The following CADM2 variants were observed in gnomAD, a reference collection of about 807,000 sequenced individuals.
CADM2 encodes the protein cell adhesion molecule 2.
In CADM2, 12 loss-of-function variants were observed where a neutral mutation model predicts 49.8. The observed-to-expected ratio is 0.24, with a 90% CI of 0.15 to 0.39. The LOEUF is 0.39. CADM2 is among the 10% of genes least tolerant of loss of function. The probability of loss-of-function intolerance (pLI) is 1.00; values close to 1 mark genes in which losing one functional copy is unlikely to be tolerated. For missense variants in CADM2, 378 were observed against 492.3 expected (o/e 0.77, Z 2.20); for synonymous variants, 214 against 175.4 (o/e 1.22, Z -1.74).
chr3:85,704,532 C>T (rs2066877766), intron 1 of CADM2, among the ~76,000 whole-genome samples: 1 of 152,056 alleles, frequency 6.6e-6, no homozygotes, highest in South Asian at 2.1e-4. Context: ...ACAGAGAAGA[C>T]ATAGAGAAAG....
In CADM2 at chr3:85,508,378, A is replaced by G. The variant is rs144653452; in HGVS notation, c.62-218144A>G. On this transcript the variant is annotated intron_variant, in intron 1 of 9. Transcript: ENST00000383699. ...TTATACTATGATCTAAATAATGTGT[A>G]TTCTGTGAAGAGACAGACAGTTTAG... Among the ~76,000 whole-genome samples the G allele has an allele frequency of 2.6e-4, 40 of 152,316 alleles. 1 individual carries two copies. In the East Asian group the frequency reaches 7.3e-3, roughly 28 times the overall value.
intron 8 of CADM2, among the ~76,000 whole-genome samples, chr3:86,023,655 G>T (rs1733497853): frequency 1.3e-5 from 2 of 152,088 alleles, no homozygotes; most frequent in South Asian, 4.1e-4. Context: ...GCCACACCCA[G>T]CCTAGCTCTT....
intron 1 of CADM2, among the ~76,000 whole-genome samples, chr3:85,125,126 TC>T (rs1321737551): frequency 1.3e-5 from 2 of 152,110 alleles, no homozygotes; most frequent in African/African-American, 4.8e-5. Context: ...ATGTCCAAAT[TC>T]CCTAGACACA....
chr3:86,054,789 T>C (rs763736967), intron 8 of CADM2, among the ~76,000 whole-genome samples: 9 of 152,150 alleles, frequency 5.9e-5, no homozygotes, highest in Non-Finnish European at 1.0e-4. Flanking sequence ...TACAATATAC[T>C]TAACCTCCAT....
At chr3:86,039,138 G>T (rs531103152) in intron 8 of CADM2, among the ~76,000 whole-genome samples, 3 of 152,120 alleles carry the variant, frequency 2.0e-5, no homozygotes, top group African/African-American at 7.2e-5. Flanking sequence ...CTCCCAGCAT[G>T]AGCGACGCAG....
intron 1 of CADM2, among the ~76,000 whole-genome samples, chr3:85,516,863 A>C (rs986702323): frequency 6.6e-6 from 1 of 152,098 alleles, no homozygotes; most frequent in South Asian, 2.1e-4. Context: ...GCAAAGGTAC[A>C]TTAATAAATT....
At chr3:85,136,667 A>G (rs532570045) in intron 1 of CADM2, among the ~76,000 whole-genome samples, 1 of 151,984 alleles carries the variant, frequency 6.6e-6, no homozygotes, top group Non-Finnish European at 1.5e-5. Context: ...GCAAGTTAAA[A>G]CATTTCTTAA....
At chr3:85,488,520 T>TTTTTG (rs940406565) in intron 1 of CADM2, among the ~76,000 whole-genome samples, 6 of 151,966 alleles carry the variant, frequency 3.9e-5, no homozygotes, top group East Asian at 1.9e-4. Context: ...TATTTATTTA[T>TTTTTG]TTTTGTTTTG....
At chr3:85,845,591 A>C (rs1315860892) in intron 3 of CADM2, among the ~76,000 whole-genome samples, 1 of 152,102 alleles carries the variant, frequency 6.6e-6, no homozygotes, top group Admixed American at 6.5e-5. Flanking sequence ...TTTAGGTCTC[A>C]TTGTCATAAA....
intron 1 of CADM2, among the ~76,000 whole-genome samples, chr3:85,122,052 T>G (rs2038883524): frequency 6.6e-6 from 1 of 152,086 alleles, no homozygotes; most frequent in South Asian, 2.1e-4. Context: ...GCTACATTAC[T>G]CCATCAATAT....
At chr3:85,117,676 G>A (rs1007400739) in intron 1 of CADM2, among the ~76,000 whole-genome samples, 2 of 152,110 alleles carry the variant, frequency 1.3e-5, no homozygotes, top group African/African-American at 2.4e-5. Flanking sequence ...GGGTGTTATA[G>A]GGATTAGGGT....
chr3:85,069,162 C>T (rs868326337), intron 1 of CADM2, among the ~76,000 whole-genome samples: 8 of 151,298 alleles, frequency 5.3e-5, no homozygotes, highest in Non-Finnish European at 1.5e-5. Flanking sequence ...GGATGTTTCC[C>T]ATGGGGAAGA....
chr3:85,399,407 G>A (rs948683797), intron 1 of CADM2, among the ~76,000 whole-genome samples: 13 of 152,174 alleles, frequency 8.5e-5, no homozygotes, highest in African/African-American at 3.1e-4. Context: ...AAGTCAGGTA[G>A]TGTGATGCCT....
chr3:86,052,084 A>G (rs945445183), intron 8 of CADM2, among the ~76,000 whole-genome samples: 1 of 152,216 alleles, frequency 6.6e-6, no homozygotes, highest in Non-Finnish European at 1.5e-5. Flanking sequence ...AAGGTAGGAG[A>G]AAAGAATTAA....
intron 1 of CADM2, among the ~76,000 whole-genome samples, chr3:85,013,636 AT>A (rs1450071432): frequency 6.6e-6 from 1 of 151,438 alleles, no homozygotes; most frequent in Non-Finnish European, 1.5e-5. Context: ...TACTAATTTC[AT>A]TATAAATATG....
At chr3:85,811,511 A>T (rs2072875743) in intron 3 of CADM2, among the ~76,000 whole-genome samples, 1 of 152,214 alleles carries the variant, frequency 6.6e-6, no homozygotes, top group South Asian at 2.1e-4. Flanking sequence ...CTGATATTTG[A>T]GAAGCCTATT....
intron 1 of CADM2, among the ~76,000 whole-genome samples, chr3:85,163,345 T>C (rs550799327): frequency 5.9e-5 from 9 of 152,090 alleles, no homozygotes; most frequent in Admixed American, 5.9e-4. Context: ...TCTAAAGCAA[T>C]ATGGGGCAGG....
chr3:85,145,260 A>G (rs1041498911), intron 1 of CADM2, among the ~76,000 whole-genome samples: 15 of 152,338 alleles, frequency 9.8e-5, no homozygotes, highest in Non-Finnish European at 1.6e-4. Flanking sequence ...ACTTGCTTGA[A>G]TAGTGCTTGT....
chr3:84,983,042 C>T lies in CADM2; in HGVS notation c.61+23374C>T, dbSNP rs1409092182. Among the ~76,000 whole-genome samples the T allele has an allele frequency of 3.3e-5, 5 of 151,890 alleles. No homozygotes were observed. In the East Asian group the frequency reaches 7.8e-4, roughly 24 times the overall value. ...GATTACAGGCCTGAGCCACTGCGCCCGGCCAAGAATATATATTTTTAAATG... is the reference window on the plus strand; with the variant it reads ...GATTACAGGCCTGAGCCACTGCGCCTGGCCAAGAATATATATTTTTAAATG... On this transcript the variant is annotated intron_variant, in intron 1 of 9. Transcript: ENST00000383699.
Sources: gnomAD v4.1 joint callset for allele counts (sites outside exome capture counted in the v4.1 genomes callset) on GRCh38, gnomAD v4.1.1 for gene constraint, MANE v1.5 for transcripts, NCBI Gene and HGNC (gene_info 2026-07-23, HGNC 2026-07-21) for gene names.